CDH7: variants seen among roughly 807,000 people sequenced by gnomAD.
CDH7 encodes cadherin-7.
In CDH7, 25 loss-of-function variants were observed where a neutral mutation model predicts 71.8. That is an observed-to-expected ratio of 0.35 (90% CI 0.25 to 0.49). The LOEUF is 0.49. Ranked by LOEUF, CDH7 falls within the 20% of genes least tolerant of loss-of-function variation. The probability of loss-of-function intolerance (pLI) is 0.99; values close to 1 mark genes in which losing one functional copy is unlikely to be tolerated. For synonymous variants in CDH7, 381 were observed against 363.8 expected (o/e 1.05, Z -0.54); for missense variants, 862 against 974.6 (o/e 0.88, Z 1.54).
chr18:65,765,920 G>A (rs188211405), intron 2 of CDH7, among the ~76,000 whole-genome samples: 32 of 151,950 alleles, frequency 2.1e-4, no homozygotes, highest in Admixed American at 1.8e-3. Context: ...CAATAAATCC[G>A]ATTAGTCTTT....
rs373093531 is a variant in CDH7 at position 65,802,170 on chromosome 18, A to G, written c.211-7534A>G. ...TTATTCATGGGCCCAGTGCTTCTCA[A>G]TGGACCTGTGATGAAAGGCTAAGGG... On this transcript the variant is annotated intron_variant, in intron 2 of 11. Coordinates refer to ENST00000397968, the MANE Select transcript of CDH7 (RefSeq NM_004361.5). Among the ~76,000 whole-genome samples, 44 of 152,306 alleles carry G rather than the reference A, an allele frequency of 2.9e-4. No homozygotes were observed. The South Asian group carries it at 8.5e-3, about 29-fold the overall frequency.
intron 3 of CDH7, among the ~76,000 whole-genome samples, chr18:65,813,052 G>C (rs141178753): frequency 1.3e-5 from 2 of 152,110 alleles, no homozygotes; most frequent in African/African-American, 4.8e-5. Context: ...AAAACTTCAG[G>C]CTGGGTGTGG....
intron 2 of CDH7, among the ~76,000 whole-genome samples, chr18:65,784,424 A>T (rs1392055715): frequency 1.3e-5 from 2 of 152,156 alleles, no homozygotes; most frequent in African/African-American, 4.8e-5. Context: ...TTGAGGAAGT[A>T]GAAAAGGCCA....
At chr18:65,799,290 G>C (rs1168163311) in intron 2 of CDH7, among the ~76,000 whole-genome samples, 2 of 151,990 alleles carry the variant, frequency 1.3e-5, no homozygotes, top group Non-Finnish European at 2.9e-5. Flanking sequence ...CAAGAGAATG[G>C]GGCAGACATA....
At chr18:65,876,529 A>G (rs1222238519) in intron 11 of CDH7, among the ~76,000 whole-genome samples, 1 of 151,906 alleles carries the variant, frequency 6.6e-6, no homozygotes, top group African/African-American at 2.4e-5. Flanking sequence ...GGCCTCAAAT[A>G]TTTGCTCACT....
intron 2 of CDH7, among the ~76,000 whole-genome samples, chr18:65,773,763 C>T (rs1055128049): frequency 2.0e-5 from 3 of 151,836 alleles, no homozygotes; most frequent in African/African-American, 7.3e-5. Flanking sequence ...CCAATCCAAG[C>T]GTAATATCTG....
At chr18:65,773,153 G>A (rs1389004362) in intron 2 of CDH7, among the ~76,000 whole-genome samples, 2 of 152,044 alleles carry the variant, frequency 1.3e-5, no homozygotes, top group Non-Finnish European at 1.5e-5. Context: ...TACCTCAGAG[G>A]TTCAACAGTC....
chr18:65,843,665 G>A lies in CDH7; in HGVS notation c.982-147G>A, dbSNP rs766989317. ...CAGGAAAGCAACAAGAAATCTGATT[G>A]GCATTGTTATTTATTATTTTTGGAT... On this transcript the variant is annotated intron_variant, in intron 6 of 11. Coordinates refer to ENST00000397968, the MANE Select transcript of CDH7 (RefSeq NM_004361.5). 114 of 616,312 alleles carry A rather than the reference G, an allele frequency of 1.8e-4. 1 individual carries two copies. Among genetic ancestry groups the A allele is most frequent in the Middle Eastern group, 9.5e-4 (2 of 2,110 alleles). 38.2% of individuals were successfully genotyped at this position (616,312 alleles called of 1,614,324 possible).
chr18:65,814,975 C>G (rs1476764316), intron 4 of CDH7, among the ~76,000 whole-genome samples: 3 of 152,088 alleles, frequency 2.0e-5, no homozygotes, highest in Non-Finnish European at 4.4e-5. Context: ...AACCTCTCTG[C>G]CATGTAATAT....
Position 65,883,784 on chromosome 18 carries a change from A to G in CDH7, c.*2890A>G, listed in dbSNP as rs1467270791. On this transcript the variant is annotated 3_prime_UTR_variant, in exon 12 of 12. Transcript: ENST00000397968. ...TGTCATAATTGTAAATATAGTATGA[A>G]TTTATATGATTTAAAATAATGACAT... is the stretch of plus-strand genomic sequence containing the variant. 1 of 152,148 alleles carries G rather than the reference A, an allele frequency of 6.6e-6. No individual in the cohort carries two copies. The highest frequency in any genetic ancestry group is 1.5e-5 in the Non-Finnish European group (1 of 67,978). The allele number at this position is 152,148 out of a possible 1,614,324, so 9.4% of individuals were successfully genotyped here.
At chr18:65,752,416 C>G (rs1232598956) in intron 1 of CDH7, among the ~76,000 whole-genome samples, 1 of 152,018 alleles carries the variant, frequency 6.6e-6, no homozygotes, top group South Asian at 2.1e-4. Flanking sequence ...TTAAGAGAGT[C>G]TTTATAAAGG....
rs971404850 is a variant in CDH7 at position 65,881,475 on chromosome 18, C to T, written c.*581C>T. The stretch of plus-strand genomic sequence containing the variant: ...CAGAAATTCCTTCCTAACTGAAAAC[C>T]CTACCACAAAAGCCAGTAAAATTTA... On this transcript the variant is annotated 3_prime_UTR_variant, in exon 12 of 12. Coordinates refer to ENST00000397968, the MANE Select transcript of CDH7 (RefSeq NM_004361.5). 1 of 151,914 alleles carries T rather than the reference C, an allele frequency of 6.6e-6. No individual in the cohort carries two copies. Among genetic ancestry groups the T allele is most frequent in the African/African-American group, 2.4e-5 (1 of 41,368 alleles). 9.4% of individuals were successfully genotyped at this position (151,914 alleles called of 1,614,324 possible).
At chr18:65,822,322 C>CT (rs920607515) in intron 5 of CDH7, 74 bp downstream of exon 5, 5 of 1,214,316 alleles carry the variant, frequency 4.1e-6, no homozygotes, top group South Asian at 1.4e-5. Flanking sequence ...TTTAAAATGA[C>CT]TTTTTTTCAA....
chr18:65,853,006 G>C (rs984718984), intron 7 of CDH7, among the ~76,000 whole-genome samples: 3 of 152,090 alleles, frequency 2.0e-5, no homozygotes, highest in African/African-American at 7.2e-5. Context: ...AAAATTTCAG[G>C]AACTAGTTTT....
chr18:65,801,519 A>G (rs1002719965), intron 2 of CDH7, among the ~76,000 whole-genome samples: 2 of 152,216 alleles, frequency 1.3e-5, no homozygotes, highest in African/African-American at 4.8e-5. Context: ...ATAGCAATGT[A>G]TATGCACACT....
At chr18:65,879,086 A>C (rs913906288) in intron 11 of CDH7, among the ~76,000 whole-genome samples, 5 of 152,216 alleles carry the variant, frequency 3.3e-5, no homozygotes, top group Non-Finnish European at 7.3e-5. Flanking sequence ...TTTATTTAAA[A>C]CTAAATAAGT....
chr18:65,756,846 TA>T (rs1287939480), intron 1 of CDH7, among the ~76,000 whole-genome samples: 2 of 152,232 alleles, frequency 1.3e-5, no homozygotes, highest in Non-Finnish European at 2.9e-5. Flanking sequence ...GTGTACTTTT[TA>T]AAAAAGCAGT....
rs1019739039 is a variant in CDH7, at chr18:65,782,032, T to C, written c.210+18980T>C. On this transcript the variant is annotated intron_variant, in intron 2 of 11. Transcript: ENST00000397968. ...TCTCTTTCTCTCTCTCTTTCTCCCT[T>C]CCTTCCTTCCTTCCTTCCTTCCTTC... 3.9e-3 allele frequency among the ~76,000 whole-genome samples: 161 copies of C among 41,290 alleles called. 16 individuals carry two copies. In the South Asian group the frequency reaches 0.045, roughly 12 times the overall value. The allele number at this position is 41,290 out of a possible 152,430, so 27.1% of individuals were successfully genotyped here.
chr18:65,822,952 T>TC (rs1257119154), intron 5 of CDH7, among the ~76,000 whole-genome samples: 1 of 151,916 alleles, frequency 6.6e-6, no homozygotes, highest in Admixed American at 6.6e-5. Flanking sequence ...TCCCTTTTTT[T>TC]CCCTAAGTGT....
Sources: gnomAD v4.1 joint callset for allele counts (sites outside exome capture counted in the v4.1 genomes callset) on GRCh38, gnomAD v4.1.1 for gene constraint, MANE v1.5 for transcripts, NCBI Gene and HGNC (gene_info 2026-07-23, HGNC 2026-07-21) for gene names.